The following VPS13B variants were observed in gnomAD, a reference collection of about 807,000 sequenced individuals.
The protein encoded by VPS13B is vacuolar protein sorting 13 homolog B.
A neutral mutation model predicts 426.4 loss-of-function variants in VPS13B; 285 were observed. That is an observed-to-expected ratio of 0.67 (90% CI 0.61 to 0.74). The LOEUF (loss-of-function observed/expected upper bound fraction) is 0.74. VPS13B is among the 30% of genes least tolerant of loss of function. The probability of loss-of-function intolerance (pLI) is 0.00; values close to 1 mark genes in which losing one functional copy is unlikely to be tolerated. For synonymous variants in VPS13B, 1,676 were observed against 1,676.4 expected, an observed-to-expected ratio of 1.00 and a Z score of 0.01; for missense variants, 4,537 against 4,782.6, an observed-to-expected ratio of 0.95 and a Z score of 1.51.
chr8:99,336,610 T>G (rs1810888743), intron 19 of VPS13B, among the ~76,000 whole-genome samples: 1 of 152,100 alleles, frequency 6.6e-6, no homozygotes, highest in South Asian at 2.1e-4. Flanking sequence ...CGCAAGCTAC[T>G]CATCTGACAA....
At chr8:99,710,562 G>C (rs1832670412) in intron 36 of VPS13B, among the ~76,000 whole-genome samples, 2 of 152,084 alleles carry the variant, frequency 1.3e-5, no homozygotes, top group African/African-American at 4.8e-5. Flanking sequence ...TGAAATAAAG[G>C]GGAAAGGAAA....
intron 3 of VPS13B, among the ~76,000 whole-genome samples, chr8:99,087,835 G>T (rs1178638904): frequency 6.6e-6 from 1 of 151,882 alleles, no homozygotes; most frequent in Non-Finnish European, 1.5e-5. Context: ...CAGCTTTCCT[G>T]TGCACATATA....
At chr8:99,208,188 T>C (rs113060654) in intron 17 of VPS13B, among the ~76,000 whole-genome samples, 2,891 of 152,206 alleles carry the variant, frequency 0.019, 63 homozygotes, top group Non-Finnish European at 0.028. Context: ...TCATGCACTT[T>C]AAAACAACAT....
chr8:99,257,897 T>C (rs1349525722), intron 17 of VPS13B, among the ~76,000 whole-genome samples: 1 of 151,906 alleles, frequency 6.6e-6, no homozygotes, highest in African/African-American at 2.4e-5. Context: ...GACTTTTACA[T>C]AGTAGTCCTT....
At chr8:99,780,686 G>A (rs1282675178) in intron 42 of VPS13B, among the ~76,000 whole-genome samples, 2 of 152,098 alleles carry the variant, frequency 1.3e-5, no homozygotes. Context: ...GCCACAAGAG[G>A]ATATACTTCT....
intron 22 of VPS13B, among the ~76,000 whole-genome samples, chr8:99,432,188 A>T (rs888843591): frequency 6.6e-5 from 10 of 152,036 alleles, no homozygotes; most frequent in Non-Finnish European, 1.3e-4. Context: ...GTTTAACCTG[A>T]CTAAAATATA....
At chr8:99,699,155 TGAAGA>T (rs1832165151) in intron 35 of VPS13B, among the ~76,000 whole-genome samples, 1 of 144,580 alleles carries the variant, frequency 6.9e-6, no homozygotes, top group African/African-American at 2.7e-5. Flanking sequence ...TTTTTTTTTT[TGAAGA>T]AAGGCCAGTT....
At chr8:99,054,691 A>G (rs1401038359) in intron 3 of VPS13B, among the ~76,000 whole-genome samples, 4 of 152,118 alleles carry the variant, frequency 2.6e-5, no homozygotes, top group African/African-American at 9.7e-5. Context: ...TTAAAGTTTT[A>G]GCTCTTATAT....
At chr8:99,472,954 T>A (rs766103548) in intron 24 of VPS13B, among the ~76,000 whole-genome samples, 1 of 152,028 alleles carries the variant, frequency 6.6e-6, no homozygotes, top group Non-Finnish European at 1.5e-5. Flanking sequence ...CCATCAAAGT[T>A]GACACAAGAA....
At chr8:99,737,228 C>G (rs1588668180) in intron 39 of VPS13B, among the ~76,000 whole-genome samples, 1 of 140,830 alleles carries the variant, frequency 7.1e-6, no homozygotes, top group Non-Finnish European at 1.5e-5. Flanking sequence ...TCATGCCATT[C>G]TCCTGCCTCA....
intron 20 of VPS13B, among the ~76,000 whole-genome samples, chr8:99,387,169 G>T (rs1224289493): frequency 3.3e-5 from 5 of 152,006 alleles, no homozygotes; most frequent in Non-Finnish European, 5.9e-5. Context: ...GACTTTTGTT[G>T]TATCACCAAA....
At position 99,859,360 on chromosome 8, in the gene VPS13B, A is replaced by G. The variant is rs148582416; in HGVS notation, c.10924A>G (p.Ile3642Val). ...LGSPASLVRS[I>V]GNGVADFFRL... ...CAGCCCTGCAAGCCTGGTGAGAAGC[A>G]TCGGGAACGGGGTCGCCGACTTCTT... The change falls in exon 57 of 62, where the codon ATC (isoleucine) becomes GTC (valine). Residue 3642 changes from isoleucine (I) to valine (V), a missense_variant. By Grantham distance (29) the Ile-to-Val change is conservative. Coordinates refer to ENST00000357162, the MANE Select transcript of VPS13B (RefSeq NM_152564.5). 3 of 1,613,986 alleles carry G rather than the reference A, an allele frequency of 1.9e-6. No individual in the cohort carries two copies. Among genetic ancestry groups the G allele is most frequent in the African/African-American group, 1.3e-5 (1 of 74,904 alleles).
intron 17 of VPS13B, among the ~76,000 whole-genome samples, chr8:99,236,154 A>G (rs778731031): frequency 1.1e-4 from 16 of 152,138 alleles, no homozygotes; most frequent in Admixed American, 2.0e-4. Flanking sequence ...TCATGGGTCA[A>G]TTGTGTTGTA....
chr8:99,790,622 T>C (rs562170786), intron 43 of VPS13B, among the ~76,000 whole-genome samples: 1 of 152,118 alleles, frequency 6.6e-6, no homozygotes, highest in African/African-American at 2.4e-5. Context: ...GGAAGTAAAA[T>C]CAATTGCATC....
chr8:99,823,445 T>TGAGGAG (rs950154314), intron 50 of VPS13B, among the ~76,000 whole-genome samples: 1 of 151,788 alleles, frequency 6.6e-6, no homozygotes, highest in Non-Finnish European at 1.5e-5. Context: ...TGGGAGACCA[T>TGAGGAG]GAGGAGGAGG....
At chr8:99,666,401 A>C (rs926649818) in intron 35 of VPS13B, among the ~76,000 whole-genome samples, 3 of 152,184 alleles carry the variant, frequency 2.0e-5, no homozygotes, top group Non-Finnish European at 4.4e-5. Flanking sequence ...TCGATGCAAA[A>C]ATCCTCAATA....
At chr8:99,801,993 T>C (rs1563923197) in intron 43 of VPS13B, among the ~76,000 whole-genome samples, 1 of 151,978 alleles carries the variant, frequency 6.6e-6, no homozygotes, top group African/African-American at 2.4e-5. Context: ...CTACAAAAGA[T>C]ACAAAAATTA....
At chr8:99,224,291 A>T (rs1162638530) in intron 17 of VPS13B, among the ~76,000 whole-genome samples, 1 of 152,206 alleles carries the variant, frequency 6.6e-6, no homozygotes, top group African/African-American at 2.4e-5. Context: ...ACATATGGAA[A>T]CATTTCTAAG....
intron 3 of VPS13B, among the ~76,000 whole-genome samples, chr8:99,064,732 C>A (rs1160187820): frequency 6.6e-6 from 1 of 152,170 alleles, no homozygotes; most frequent in South Asian, 2.1e-4. Flanking sequence ...GGCAGGCCAA[C>A]ATTCAAATTC....
Sources: gnomAD v4.1 joint callset for allele counts (sites outside exome capture counted in the v4.1 genomes callset) on GRCh38, gnomAD v4.1.1 for gene constraint, MANE v1.5 for transcripts, NCBI Gene and HGNC (gene_info 2026-07-23, HGNC 2026-07-21) for gene names.